Variants in NEDD4L observed in about 807,000 individuals in gnomAD.
NEDD4L encodes NEDD4 like E3 ubiquitin protein ligase.
Under a neutral mutation model 148.9 loss-of-function variants are expected in NEDD4L, and 54 were observed. The observed-to-expected ratio is 0.36, with a 90% CI of 0.29 to 0.45. The LOEUF is 0.45. Among genes scored for constraint, NEDD4L ranks in the 20% least tolerant of loss-of-function variants. The pLI is 1.00. For synonymous variants in NEDD4L, 433 were observed against 440.7 expected (o/e 0.98, Z 0.22); for missense variants, 856 against 1,233.8 (o/e 0.69, Z 4.59).
intron 5 of NEDD4L, among the ~76,000 whole-genome samples, chr18:58,315,479 A>G (rs754186833): frequency 2.2e-5 from 3 of 137,872 alleles, no homozygotes; most frequent in Non-Finnish European, 4.4e-5. Flanking sequence ...TAAAAAAAAA[A>G]CAATGTACTT....
intron 1 of NEDD4L, among the ~76,000 whole-genome samples, chr18:58,115,014 G>A (rs534139157): frequency 2.6e-5 from 4 of 152,216 alleles, no homozygotes; most frequent in African/African-American, 9.6e-5. Context: ...TCCATCTGCA[G>A]CCTTAATCCC....
intron 3 of NEDD4L, among the ~76,000 whole-genome samples, chr18:58,246,009 T>C (rs1159862102): frequency 1.3e-5 from 2 of 152,034 alleles, no homozygotes; most frequent in African/African-American, 4.8e-5. Flanking sequence ...ACTTTTTGTC[T>C]TATATACTGT....
intron 1 of NEDD4L, chr18:58,045,033 C>G (rs1417101038): frequency 2.4e-6 from 1 of 408,566 alleles, no homozygotes; most frequent in Admixed American, 4.4e-5. Flanking sequence ...CAGCGTCTCC[C>G]GGGGCTGTTG....
chr18:58,296,646 G>A (rs1322448336), intron 5 of NEDD4L, among the ~76,000 whole-genome samples: 2 of 152,210 alleles, frequency 1.3e-5, no homozygotes, highest in African/African-American at 4.8e-5. Flanking sequence ...TGTGGGCCGG[G>A]CGCGGTGGCT....
chr18:58,179,271 C>T lies in NEDD4L; in HGVS notation c.122+13410C>T, dbSNP rs114791529. ...GTGAGACTTCACCCACTAGTGGGGC[C>T]GTATAATTCAGGATCTTTTGTTTGT... is the stretch of plus-strand genomic sequence containing the variant. On this transcript the variant is annotated intron_variant, in intron 2 of 30. Transcript: ENST00000400345. Among the ~76,000 whole-genome samples the T allele has an allele frequency of 1.9e-3, 288 of 152,236 alleles. 2 individuals are homozygous for T. The highest frequency in any genetic ancestry group is 6.6e-3 in the African/African-American group (273 of 41,526).
intron 2 of NEDD4L, among the ~76,000 whole-genome samples, chr18:58,174,057 C>A (rs2037817116): frequency 6.6e-6 from 1 of 152,242 alleles, no homozygotes; most frequent in East Asian, 1.9e-4. Context: ...ATAGCTTGTA[C>A]CTGTGTTCAG....
chr18:58,309,703 A>G (rs1270415278), intron 5 of NEDD4L, among the ~76,000 whole-genome samples: 1 of 152,092 alleles, frequency 6.6e-6, no homozygotes, highest in Non-Finnish European at 1.5e-5. Context: ...CTGCAAAAAA[A>G]AAAAAAATGG....
intron 24 of NEDD4L, among the ~76,000 whole-genome samples, chr18:58,380,921 T>C (rs1384405668): frequency 6.6e-6 from 1 of 152,266 alleles, no homozygotes; most frequent in East Asian, 1.9e-4. Context: ...TATAACATTC[T>C]AATGACTGTG....
chr18:58,165,415 ATTAT>A, intron 1 of NEDD4L, among the ~76,000 whole-genome samples: 1 of 152,192 alleles, frequency 6.6e-6, no homozygotes. Flanking sequence ...CAAAGGAGGA[ATTAT>A]TTGTTATATT....
intron 1 of NEDD4L, among the ~76,000 whole-genome samples, chr18:58,083,923 G>C (rs111524009): frequency 0.025 from 3,867 of 152,216 alleles, 93 homozygotes; most frequent in Non-Finnish European, 0.038. Flanking sequence ...TAGAGACAGG[G>C]TTTCACCATG....
At chr18:58,214,168 G>A (rs80227192) in intron 2 of NEDD4L, among the ~76,000 whole-genome samples, 2 of 71,256 alleles carry the variant, frequency 2.8e-5, no homozygotes, top group African/African-American at 4.2e-5. Flanking sequence ...TCACCTGATC[G>A]CTGCCCCAGG....
At chr18:58,287,783 T>C (rs1335997841) in intron 5 of NEDD4L, among the ~76,000 whole-genome samples, 1 of 152,162 alleles carries the variant, frequency 6.6e-6, no homozygotes, top group East Asian at 1.9e-4. Context: ...CTTTTGTGAG[T>C]TGCACGTGTG....
At chr18:58,295,677 G>A (rs137981273) in intron 5 of NEDD4L, among the ~76,000 whole-genome samples, 26 of 152,274 alleles carry the variant, frequency 1.7e-4, no homozygotes, top group African/African-American at 5.5e-4. Flanking sequence ...CATGTTGAGT[G>A]GTGTTAGAGT....
At chr18:58,147,115 G>A (rs1418648815) in intron 1 of NEDD4L, among the ~76,000 whole-genome samples, 1 of 152,322 alleles carries the variant, frequency 6.6e-6, no homozygotes, top group East Asian at 1.9e-4. Context: ...GTGGTTCATA[G>A]CTTTGTGTGT....
intron 5 of NEDD4L, among the ~76,000 whole-genome samples, chr18:58,310,967 C>G (rs752691034): frequency 6.6e-6 from 1 of 152,054 alleles, no homozygotes; most frequent in African/African-American, 2.4e-5. Flanking sequence ...GACTTATGTT[C>G]TAAATTCTCT....
At chr18:58,050,189 C>T (rs2081800004) in intron 1 of NEDD4L, among the ~76,000 whole-genome samples, 2 of 152,046 alleles carry the variant, frequency 1.3e-5, no homozygotes, top group East Asian at 1.9e-4. Context: ...CATAGTGGCT[C>T]ACATCTGTAA....
chr18:58,158,389 C>A (rs920377348), intron 1 of NEDD4L, among the ~76,000 whole-genome samples: 8 of 152,210 alleles, frequency 5.3e-5, no homozygotes, highest in African/African-American at 1.9e-4. Context: ...AAATTACCCA[C>A]CTCATGAAGA....
intron 2 of NEDD4L, among the ~76,000 whole-genome samples, chr18:58,200,535 G>C (rs1303765920): frequency 6.6e-6 from 1 of 152,214 alleles, no homozygotes; most frequent in East Asian, 1.9e-4. Context: ...TTGACGGTAA[G>C]TCATGAAATA....
At chr18:58,205,734 A>T (rs116153295) in intron 2 of NEDD4L, among the ~76,000 whole-genome samples, 66 of 142,836 alleles carry the variant, frequency 4.6e-4, no homozygotes, top group African/African-American at 1.3e-3. Flanking sequence ...ATTATTGTTT[A>T]AAAAAAAAAA....
Sources: allele counts gnomAD v4.1 joint callset (sites outside exome capture counted in the v4.1 genomes callset), GRCh38; gene constraint gnomAD v4.1.1; transcripts MANE v1.5; gene names NCBI Gene and HGNC (gene_info 2026-07-23, HGNC 2026-07-21).